MCF2L: variants seen among roughly 807,000 people sequenced by gnomAD.
MCF2L encodes guanine nucleotide exchange factor DBS.
A neutral mutation model predicts 153.4 loss-of-function variants in MCF2L; 97 were observed. The ratio of observed to expected loss-of-function variants is 0.63; its 90% CI spans 0.54 to 0.75. The LOEUF (loss-of-function observed/expected upper bound fraction) is 0.75, where lower values mean the gene tolerates loss of function less well. MCF2L is among the 30% of genes least tolerant of loss of function. The pLI, the probability that MCF2L is intolerant of heterozygous loss-of-function variation, is 0.00. For missense variants in MCF2L, 1,347 were observed against 1,495.2 expected, an observed-to-expected ratio of 0.90 and a Z score of 1.64; for synonymous variants, 659 against 632.2, an observed-to-expected ratio of 1.04 and a Z score of -0.64.
chr13:113,065,957 C>G (rs1162021911), intron 7 of MCF2L, 89 bp from the exon 8 acceptor site: 1 of 1,426,126 alleles, frequency 7.0e-7, no homozygotes, highest in African/African-American at 1.4e-5. Flanking sequence ...TCCCCGCCCC[C>G]TCAAGAGCAA....
At chr13:112,973,369 G>T (rs150865914) in intron 1 of MCF2L, among the ~76,000 whole-genome samples, 2 of 152,310 alleles carry the variant, frequency 1.3e-5, no homozygotes, top group Non-Finnish European at 2.9e-5. Context: ...AATTAGATAG[G>T]TGTGACTATA....
chr13:112,929,433 G>A (rs927501406), intron 2 of MCF2L, among the ~76,000 whole-genome samples: 1 of 152,228 alleles, frequency 6.6e-6, no homozygotes, highest in Non-Finnish European at 1.5e-5. Context: ...ATGGGATAAA[G>A]CCATTTATCT....
intron 2 of MCF2L, among the ~76,000 whole-genome samples, chr13:112,914,236 G>A (rs890254608): frequency 1.3e-5 from 2 of 152,168 alleles, no homozygotes; most frequent in Admixed American, 6.5e-5. Flanking sequence ...TGCCATGTGC[G>A]AGCTGAGACA....
Position 112,927,462 on chromosome 13 carries a change from T to G in MCF2L, c.169+25091T>G, listed in dbSNP as rs570458222. Among the ~76,000 whole-genome samples, 35 of 152,236 alleles carry G rather than the reference T, an allele frequency of 2.3e-4. 2 individuals are homozygous for G. Among genetic ancestry groups the G allele is most frequent in the Middle Eastern group, 3.4e-3 (1 of 294 alleles). ...TCCCACTGAGAAGATCTGGAGGTCT[T>G]TGGATAAATGACCGGGTCTGGGGAA... On this transcript the variant is annotated intron_variant, in intron 2 of 29. Transcript: ENST00000375608.
At chr13:112,996,412 C>G (rs1222479370) in intron 1 of MCF2L, among the ~76,000 whole-genome samples, 1 of 152,198 alleles carries the variant, frequency 6.6e-6, no homozygotes, top group Non-Finnish European at 1.5e-5. Context: ...TGTAGTGACC[C>G]CGACACGCCA....
At chr13:113,058,734 G>GGT (rs2030776657) in intron 4 of MCF2L, among the ~76,000 whole-genome samples, 4 of 132,832 alleles carry the variant, frequency 3.0e-5, no homozygotes, top group East Asian at 4.3e-4. Context: ...GTGCTGTGTG[G>GGT]GCGCTGAGTG....
At chr13:113,081,485 C>G (rs906256002) in intron 16 of MCF2L, among the ~76,000 whole-genome samples, 1 of 152,224 alleles carries the variant, frequency 6.6e-6, no homozygotes, top group Admixed American at 6.5e-5. Flanking sequence ...CAGGGGGGTC[C>G]GTACAGGGGA....
chr13:113,083,554 C>T (rs1405753397), intron 17 of MCF2L, among the ~76,000 whole-genome samples: 1 of 152,230 alleles, frequency 6.6e-6, no homozygotes, highest in Non-Finnish European at 1.5e-5. Flanking sequence ...GCCGGACTTC[C>T]TCCAGGGGAC....
At chr13:112,937,115 T>TC (rs1159252389) in intron 2 of MCF2L, among the ~76,000 whole-genome samples, 1 of 152,146 alleles carries the variant, frequency 6.6e-6, no homozygotes, top group Admixed American at 6.5e-5. Context: ...GTACAGTGGC[T>TC]CGATCATGGC....
At chr13:113,079,451 A>G (rs146129406) in intron 15 of MCF2L, among the ~76,000 whole-genome samples, 4 of 152,274 alleles carry the variant, frequency 2.6e-5, no homozygotes, top group African/African-American at 9.6e-5. Flanking sequence ...CTCCGTTTTT[A>G]GTATTTGCAC....
chr13:112,929,938 G>A (rs1246473177), intron 2 of MCF2L, among the ~76,000 whole-genome samples: 1 of 152,216 alleles, frequency 6.6e-6, no homozygotes, highest in Non-Finnish European at 1.5e-5. Context: ...AGCCGTTGCT[G>A]GGATAACGCT....
intron 5 of MCF2L, among the ~76,000 whole-genome samples, chr13:113,060,990 C>G (rs1218931601): frequency 1.3e-5 from 2 of 150,394 alleles, no homozygotes; most frequent in Non-Finnish European, 3.0e-5. Flanking sequence ...GGACGCGGGT[C>G]ACGCGACATT....
chr13:112,992,165 G>A (rs997000199), intron 1 of MCF2L, among the ~76,000 whole-genome samples: 2 of 152,254 alleles, frequency 1.3e-5, no homozygotes, highest in African/African-American at 4.8e-5. Flanking sequence ...AGGTGTGCGT[G>A]AAACATAAAT....
chr13:113,094,352 G>A lies in MCF2L; in HGVS notation c.2954-162G>A, dbSNP rs527880901. The stretch of plus-strand genomic sequence containing the variant: ...AGGCATTCTGGAAGTTTGCAGGGGT[G>A]TCCTGCTCAGCTCTTTATGAACCCG... On this transcript the variant is annotated intron_variant, in intron 26 of 29. Coordinates refer to ENST00000535094, the MANE Select transcript of MCF2L (RefSeq NM_001112732.3). 6.3e-3 allele frequency: 4,035 copies of A among 638,298 alleles called. 29 individuals carry two copies. The highest frequency in any genetic ancestry group is 0.023 in the South Asian group (900 of 39,040). The allele number at this position is 638,298 out of a possible 1,614,324, so 39.5% of individuals were successfully genotyped here. A position where few individuals can be genotyped will look rare whatever the true frequency, so the allele number is the denominator to read the frequency against.
intron 2 of MCF2L, among the ~76,000 whole-genome samples, chr13:112,922,868 TAG>T (rs2081366468): frequency 6.6e-6 from 1 of 152,112 alleles, no homozygotes; most frequent in Non-Finnish European, 1.5e-5. Flanking sequence ...TCGTGACAAT[TAG>T]GGGTTTATTC....
chr13:113,051,596 C>T (rs1016983346), intron 4 of MCF2L, among the ~76,000 whole-genome samples: 1 of 149,706 alleles, frequency 6.7e-6, no homozygotes, highest in Non-Finnish European at 1.5e-5. Flanking sequence ...ACGGGCGGCA[C>T]GAGCCACTTT....
chr13:113,069,739 A>T (rs887206628), intron 8 of MCF2L, among the ~76,000 whole-genome samples: 16 of 152,366 alleles, frequency 1.1e-4, no homozygotes, highest in South Asian at 2.1e-4. Context: ...AATAAATTTT[A>T]AAAAAAGTTT....
intron 2 of MCF2L, among the ~76,000 whole-genome samples, chr13:112,913,992 C>T (rs1013806365): frequency 1.3e-4 from 20 of 152,166 alleles, no homozygotes; most frequent in African/African-American, 3.6e-4. Context: ...CTTAGCGTTG[C>T]GTTGGGACGT....
Position 113,084,025 on chromosome 13 carries a change from C to T in MCF2L, c.2019C>T (p.Tyr673=). The change falls in exon 18 of 30, where the codon TAC becomes TAT. Residue 673 remains tyrosine (Y), a synonymous_variant. Coordinates refer to ENST00000535094, the MANE Select transcript of MCF2L (RefSeq NM_001112732.3). Reference sequence around the variant, plus strand: ...TATTCCTCAGGGAGCTGGAAAACTACACTGACTGCCCAGAACTGGTTGGAA... The same window carrying T: ...TATTCCTCAGGGAGCTGGAAAACTATACTGACTGCCCAGAACTGGTTGGAA... ...NRIFLRELEN[Y]TDCPELVGRC... 6.2e-7 allele frequency: 1 copy of T among 1,614,064 alleles called. No homozygotes were observed.
Sources: allele counts gnomAD v4.1 joint callset (sites outside exome capture counted in the v4.1 genomes callset), GRCh38; gene constraint gnomAD v4.1.1; transcripts MANE v1.5; gene names NCBI Gene and HGNC (gene_info 2026-07-23, HGNC 2026-07-21).